The following ITGB1 variants were observed in gnomAD, a reference collection of about 807,000 sequenced individuals.
The protein encoded by ITGB1 is integrin beta-1.
A neutral mutation model predicts 86.5 loss-of-function variants in ITGB1; 24 were observed. That is an observed-to-expected ratio of 0.28 (90% CI 0.20 to 0.39). The LOEUF is 0.39. Ranked by LOEUF, ITGB1 falls within the 10% of genes least tolerant of loss-of-function variation. ITGB1 has a pLI of 1.00. For synonymous variants in ITGB1, 323 were observed against 316.8 expected (o/e 1.02, Z -0.21); for missense variants, 556 against 946.9 (o/e 0.59, Z 5.42).
In ITGB1 at chr10:32,940,088, G is replaced by A. The variant is rs148975325; in HGVS notation, c.1-4530C>T. Among the ~76,000 whole-genome samples, 121 of 152,318 alleles carry A rather than the reference G, an allele frequency of 7.9e-4. No individual in the cohort carries two copies. The Middle Eastern group carries it at 0.01, about 13-fold the overall frequency. Reference sequence around the variant, plus strand: ...AGGCTGGGGGCGGTGGCTCACGCCTGTAATCCCAGCGCTTTGGGAGGCCAA... The same window carrying A: ...AGGCTGGGGGCGGTGGCTCACGCCTATAATCCCAGCGCTTTGGGAGGCCAA... On this transcript the variant is annotated intron_variant, in intron 1 of 15. Transcript: ENST00000302278.
In ITGB1 at chr10:32,919,950, G is replaced by A. The variant is rs180672316; in HGVS notation, c.1404C>T (p.Ser468=). 3.6e-5 allele frequency: 58 copies of A among 1,614,024 alleles called. No individual in the cohort carries two copies. The African/African-American group carries it at 4.8e-4, about 13-fold the overall frequency. The change falls in exon 11 of 16, where the codon AGC becomes AGT. Residue 468 remains serine, a synonymous_variant. Coordinates refer to ENST00000302278, the MANE Select transcript of ITGB1 (RefSeq NM_002211.4). ...ACTTGGGACTTTCAGGGATGCCTTCGCTTTGGCATTCACATTCACAGATGT... is the reference window on the plus strand; with the variant it reads ...ACTTGGGACTTTCAGGGATGCCTTCACTTTGGCATTCACATTCACAGATGT... The part of the protein sequence containing the change: ...LQYICECECQ[S]EGIPESPKCH...
At position 32,919,870 on chromosome 10, in the gene ITGB1, C is replaced by G. The variant is rs1309530769; in HGVS notation, c.1469+15G>C. ...CCAATGTAGCTCTGTCACTGTCTGA[C>G]AACACCCAGCTTACCTGCACGCGCC... On this transcript the variant is annotated intron_variant, in intron 11 of 15. Transcript: ENST00000302278. The G allele has an allele frequency of 3.1e-6, 5 of 1,612,588 alleles. No homozygotes were observed. In the Admixed American group the frequency reaches 8.3e-5, roughly 27 times the overall value.
chr10:32,939,930 C>T (rs2095014290), intron 1 of ITGB1, among the ~76,000 whole-genome samples: 1 of 152,218 alleles, frequency 6.6e-6, no homozygotes, highest in African/African-American at 2.4e-5. Flanking sequence ...CCTGCATATC[C>T]TGTCTCCAAT....
chr10:32,948,366 A>G (rs1421250175), intron 1 of ITGB1, among the ~76,000 whole-genome samples: 1 of 152,230 alleles, frequency 6.6e-6, no homozygotes, highest in Admixed American at 6.5e-5. Context: ...CTGAACACTA[A>G]TATCATAAAA....
intron 1 of ITGB1, among the ~76,000 whole-genome samples, chr10:32,939,619 T>C (rs2095012926): frequency 6.6e-6 from 1 of 152,156 alleles, no homozygotes; most frequent in Non-Finnish European, 1.5e-5. Flanking sequence ...ACAGAAAAAC[T>C]ACACAGTAAA....
chr10:32,942,669 GTC>G (rs1335073920), intron 1 of ITGB1, among the ~76,000 whole-genome samples: 2 of 139,078 alleles, frequency 1.4e-5, no homozygotes, highest in Admixed American at 7.4e-5. Flanking sequence ...CCTCGACCCT[GTC>G]TCTCTCTCTC....
chr10:32,946,360 C>CA (rs1249362439), intron 1 of ITGB1, among the ~76,000 whole-genome samples: 4 of 152,030 alleles, frequency 2.6e-5, no homozygotes, highest in Non-Finnish European at 5.9e-5. Flanking sequence ...TAACAAAGAC[C>CA]AAAAAAGTGA....
intron 14 of ITGB1, 46 bp downstream of exon 14, chr10:32,910,177 G>T: frequency 7.2e-7 from 1 of 1,397,632 alleles, no homozygotes; most frequent in South Asian, 1.2e-5. Context: ...GCAGAAACAA[G>T]ACATACAAGA....
intron 1 of ITGB1, among the ~76,000 whole-genome samples, chr10:32,951,042 G>C (rs1045186210): frequency 3.3e-5 from 5 of 152,116 alleles, no homozygotes; most frequent in Non-Finnish European, 5.9e-5. Context: ...TAATACGTTG[G>C]GGGTAGGGGG....
intron 2 of ITGB1, 136 bp from the exon 3 acceptor site, chr10:32,932,736 C>A: frequency 1.7e-6 from 1 of 580,796 alleles, no homozygotes; most frequent in South Asian, 2.0e-5. Context: ...CTAAACTAGA[C>A]CTTCCCCAAA....
intron 1 of ITGB1, among the ~76,000 whole-genome samples, chr10:32,948,066 A>T (rs1399959994): frequency 1.3e-5 from 2 of 152,138 alleles, no homozygotes; most frequent in East Asian, 3.8e-4. Context: ...ACTTTAGGGA[A>T]GACACAAGAT....
chr10:32,936,080 T>A (rs2095000782), intron 1 of ITGB1: 1 of 152,348 alleles, frequency 6.6e-6, no homozygotes, highest in African/African-American at 2.4e-5. Context: ...AAGGCCAACA[T>A]CCTGCATAAG....
At chr10:32,915,541 T>C (rs565517925) in intron 11 of ITGB1, among the ~76,000 whole-genome samples, 1 of 152,204 alleles carries the variant, frequency 6.6e-6, no homozygotes, top group South Asian at 2.1e-4. Flanking sequence ...AACACCACTA[T>C]GCAAATTAAC....
rs764354170 is a variant in ITGB1 at position 32,929,843 on chromosome 10, A to G, written c.355T>C (p.Leu119=). The G allele has an allele frequency of 1.1e-5, 18 of 1,610,052 alleles. No homozygotes were observed. Among genetic ancestry groups the G allele is most frequent in the Non-Finnish European group, 1.5e-5 (18 of 1,176,538 alleles). The stretch of plus-strand genomic sequence containing the variant: ...ATACCTGATCTTAATCGCAAAACCA[A>G]CTGCTGTGGTTGGATCTGAGTAATA... The part of the protein sequence containing the change: ...EDITQIQPQQ[L]VLRLRSGEPQ... The change falls in exon 4 of 16, where the codon TTG becomes CTG. Residue 119 remains leucine (L), a synonymous_variant. Coordinates refer to ENST00000302278, the MANE Select transcript of ITGB1 (RefSeq NM_002211.4).
intron 6 of ITGB1, among the ~76,000 whole-genome samples, chr10:32,925,225 C>A (rs1257835223): frequency 6.6e-6 from 1 of 152,176 alleles, no homozygotes; most frequent in Non-Finnish European, 1.5e-5. Flanking sequence ...TCTCAAAATA[C>A]ATAGCTGCTA....
chr10:32,917,751 G>A (rs2094936448), intron 11 of ITGB1, among the ~76,000 whole-genome samples: 1 of 152,216 alleles, frequency 6.6e-6, no homozygotes, highest in Non-Finnish European at 1.5e-5. Flanking sequence ...TGGTGGGACT[G>A]TAAACTAGTT....
chr10:32,910,110 CAA>C (rs1565819116), intron 14 of ITGB1, 111 bp downstream of exon 14: 1 of 717,928 alleles, frequency 1.4e-6, no homozygotes, highest in East Asian at 2.7e-5. Context: ...AAAAATTTCC[CAA>C]CTTGACCTAA....
chr10:32,906,528 T>C, intron 15 of ITGB1: 1 of 219,658 alleles, frequency 4.6e-6, no homozygotes, highest in Non-Finnish European at 9.8e-6. Flanking sequence ...AGTCAGAGGT[T>C]GCAGTGAGCT....
intron 1 of ITGB1, among the ~76,000 whole-genome samples, chr10:32,942,121 GAA>G (rs1173590427): frequency 6.6e-6 from 1 of 152,132 alleles, no homozygotes; most frequent in African/African-American, 2.4e-5. Context: ...GAAGACACAG[GAA>G]AAGAGAAAAG....
Sources: allele counts gnomAD v4.1 joint callset (sites outside exome capture counted in the v4.1 genomes callset), GRCh38; gene constraint gnomAD v4.1.1; transcripts MANE v1.5; gene names NCBI Gene and HGNC (gene_info 2026-07-23, HGNC 2026-07-21).